KCNQ3: variants seen among roughly 807,000 people sequenced by gnomAD.
KCNQ3 encodes potassium voltage-gated channel subfamily Q member 3.
A neutral mutation model predicts 92.5 loss-of-function variants in KCNQ3; 30 were observed. The ratio of observed to expected loss-of-function variants is 0.32; its 90% CI spans 0.24 to 0.44. The LOEUF (loss-of-function observed/expected upper bound fraction) is 0.44. KCNQ3 is among the 20% of genes least tolerant of loss of function. The probability of loss-of-function intolerance (pLI) is 1.00; values close to 1 mark genes in which losing one functional copy is unlikely to be tolerated. For missense variants in KCNQ3, 913 were observed against 1,140.3 expected (o/e 0.80, Z 2.87); for synonymous variants, 450 against 468.8 (o/e 0.96, Z 0.52).
intron 1 of KCNQ3, among the ~76,000 whole-genome samples, chr8:132,206,813 G>A (rs1369775142): frequency 6.6e-6 from 1 of 151,470 alleles, no homozygotes; most frequent in South Asian, 2.1e-4. Context: ...TCGATCTTTT[G>A]TGTTATTTTT....
intron 1 of KCNQ3, among the ~76,000 whole-genome samples, chr8:132,440,951 T>C (rs1043563200): frequency 6.6e-6 from 1 of 152,226 alleles, no homozygotes; most frequent in Non-Finnish European, 1.5e-5. Context: ...TTCTCACCTG[T>C]TAAGGTTTAG....
At chr8:132,191,944 C>G (rs1446062296) in intron 1 of KCNQ3, among the ~76,000 whole-genome samples, 1 of 152,142 alleles carries the variant, frequency 6.6e-6, no homozygotes, top group Non-Finnish European at 1.5e-5. Context: ...GTGCGGCCAG[C>G]AGGACCGCGA....
intron 1 of KCNQ3, among the ~76,000 whole-genome samples, chr8:132,354,374 T>G (rs767809821): frequency 2.0e-5 from 3 of 152,158 alleles, no homozygotes; most frequent in Non-Finnish European, 4.4e-5. Flanking sequence ...AGACAATACA[T>G]CCATAGGCCA....
chr8:132,286,103 A>C (rs1816672914), intron 1 of KCNQ3, among the ~76,000 whole-genome samples: 1 of 152,186 alleles, frequency 6.6e-6, no homozygotes, highest in Non-Finnish European at 1.5e-5. Flanking sequence ...AATTTGCTTC[A>C]TGGGTGGAGC....
intron 1 of KCNQ3, among the ~76,000 whole-genome samples, chr8:132,468,369 T>C (rs1380123690): frequency 6.6e-6 from 1 of 152,152 alleles, no homozygotes; most frequent in East Asian, 1.9e-4. Context: ...TCTTGTTGGA[T>C]AAGATTTCAC....
rs145871547 is a variant in KCNQ3 at position 132,186,907 on chromosome 8, CGTGTGTGTGTGT to C, written c.387-738_387-727del. On this transcript the variant is annotated intron_variant, in intron 1 of 14. Transcript: ENST00000388996. Reference sequence around the variant, plus strand: ...TGTTATCTTTATAAACTGTGAGGTGCGTGTGTGTGTGTGTGTGTGTGTGTGTGAGAGAGAGAG... The same window carrying C: ...TGTTATCTTTATAAACTGTGAGGTGCGTGTGTGTGTGTGTGAGAGAGAGAG... 2.0e-3 allele frequency among the ~76,000 whole-genome samples: 223 copies of C among 111,478 alleles called. 1 individual carries two copies. Among genetic ancestry groups the C allele is most frequent in the African/African-American group, 8.2e-3 (213 of 26,092 alleles). 73.1% of individuals were successfully genotyped at this position (111,478 alleles called of 152,430 possible). A position where few individuals can be genotyped will look rare whatever the true frequency, so the allele number is the denominator to read the frequency against.
chr8:132,418,722 G>GTT (rs1183368842), intron 1 of KCNQ3, among the ~76,000 whole-genome samples: 2 of 152,250 alleles, frequency 1.3e-5, no homozygotes, highest in East Asian at 3.9e-4. Context: ...AGAAGCAGAG[G>GTT]GTGCAGTGAG....
intron 8 of KCNQ3, among the ~76,000 whole-genome samples, chr8:132,167,685 G>T (rs537389578): frequency 6.6e-6 from 1 of 152,276 alleles, no homozygotes; most frequent in East Asian, 1.9e-4. Context: ...AAGAAAGAAA[G>T]AAATATATTC....
At chr8:132,130,092 T>TG (rs1178424235) in intron 14 of KCNQ3, 96 bp from the exon 15 acceptor site, 15 of 1,403,700 alleles carry the variant, frequency 1.1e-5, no homozygotes, top group East Asian at 4.7e-5. Context: ...TTGTTTTTTT[T>TG]TTTTTTTTGA....
At chr8:132,138,933 C>T (rs774100728) in intron 11 of KCNQ3, among the ~76,000 whole-genome samples, 1 of 152,156 alleles carries the variant, frequency 6.6e-6, no homozygotes, top group Non-Finnish European at 1.5e-5. Flanking sequence ...TACATAGTTC[C>T]ATACAGGTGA....
chr8:132,418,326 G>T (rs1374189215), intron 1 of KCNQ3, among the ~76,000 whole-genome samples: 4 of 152,166 alleles, frequency 2.6e-5, no homozygotes, highest in Admixed American at 2.6e-4. Flanking sequence ...GCTCTGTGTG[G>T]GTTTAATGAG....
chr8:132,425,486 C>T (rs1227559255), intron 1 of KCNQ3, among the ~76,000 whole-genome samples: 1 of 152,142 alleles, frequency 6.6e-6, no homozygotes, highest in Admixed American at 6.5e-5. Context: ...AGCACAGTGG[C>T]ACACACAGAC....
chr8:132,244,543 A>C (rs1815100139), intron 1 of KCNQ3, among the ~76,000 whole-genome samples: 1 of 152,212 alleles, frequency 6.6e-6, no homozygotes. Context: ...AAAAGAATGA[A>C]AAGGCAAAAA....
chr8:132,308,689 T>TG (rs1195445961), intron 1 of KCNQ3, among the ~76,000 whole-genome samples: 1 of 152,202 alleles, frequency 6.6e-6, no homozygotes, highest in Non-Finnish European at 1.5e-5. Context: ...GCGCTGACAC[T>TG]GGGGCAGCCG....
intron 1 of KCNQ3, among the ~76,000 whole-genome samples, chr8:132,473,054 A>G (rs1202398501): frequency 6.6e-6 from 1 of 152,200 alleles, no homozygotes; most frequent in African/African-American, 2.4e-5. Flanking sequence ...GACTCCAAAG[A>G]TCATGCTCTT....
Position 132,130,088 on chromosome 8 carries a change from T to TTG in KCNQ3, c.1885-93_1885-92insCA, listed in dbSNP as rs1554621541. ...GAGGAAATATTCTTTTTTTTTGTTT[T>TTG]TTTTTTTTTTTTGAGACGAAGTCTC... On this transcript the variant is annotated intron_variant, in intron 14 of 14. Coordinates refer to ENST00000388996, the MANE Select transcript of KCNQ3 (RefSeq NM_004519.4). The TTG allele has an allele frequency of 2.6e-5, 35 of 1,366,400 alleles. No homozygotes were observed. The Admixed American group carries it at 5.0e-4, about 19-fold the overall frequency. The allele number at this position is 1,366,400 out of a possible 1,614,324, so 84.6% of individuals were successfully genotyped here.
At chr8:132,181,891 A>C (rs1466866724) in intron 3 of KCNQ3, among the ~76,000 whole-genome samples, 1 of 152,088 alleles carries the variant, frequency 6.6e-6, no homozygotes, top group East Asian at 1.9e-4. Context: ...AAATACAAAA[A>C]AAAATTAGCT....
At chr8:132,437,067 C>T (rs1821413197) in intron 1 of KCNQ3, among the ~76,000 whole-genome samples, 2 of 151,682 alleles carry the variant, frequency 1.3e-5, no homozygotes, top group South Asian at 4.2e-4. Flanking sequence ...ATCACGAGGT[C>T]AGGAGATCGA....
intron 1 of KCNQ3, among the ~76,000 whole-genome samples, chr8:132,459,718 T>C (rs1024038443): frequency 1.3e-5 from 2 of 151,694 alleles, no homozygotes; most frequent in African/African-American, 2.4e-5. Context: ...TCCTCCATTA[T>C]AAAGTTTTCT....
Sources: allele counts gnomAD v4.1 joint callset (sites outside exome capture counted in the v4.1 genomes callset), GRCh38; gene constraint gnomAD v4.1.1; transcripts MANE v1.5; gene names NCBI Gene and HGNC (gene_info 2026-07-23, HGNC 2026-07-21).